Variants in CNTN5 observed in about 807,000 individuals in gnomAD.
CNTN5 encodes the protein contactin 5.
Under a neutral mutation model 129.1 loss-of-function variants are expected in CNTN5, and 77 were observed. The observed-to-expected ratio is 0.60, with a 90% CI of 0.50 to 0.72. The LOEUF is 0.72. Ranked by LOEUF, CNTN5 falls within the 30% of genes least tolerant of loss-of-function variation. The probability of loss-of-function intolerance (pLI) is 0.00; values close to 1 mark genes in which losing one functional copy is unlikely to be tolerated. For synonymous variants in CNTN5, 509 were observed against 465.6 expected (o/e 1.09, Z -1.20); for missense variants, 1,478 against 1,328.8 (o/e 1.11, Z -1.75).
chr11:100,102,344 G>T (rs1010316778), intron 13 of CNTN5, among the ~76,000 whole-genome samples: 2 of 151,682 alleles, frequency 1.3e-5, no homozygotes, highest in African/African-American at 4.8e-5. Flanking sequence ...AAAAATATTT[G>T]TTGGCTGTTT....
chr11:100,161,830 TAC>T (rs71050053), intron 13 of CNTN5, among the ~76,000 whole-genome samples: 4,148 of 125,826 alleles, frequency 0.033, 163 homozygotes, highest in African/African-American at 0.11. Flanking sequence ...TGGAGCTTCC[TAC>T]ACACACACAC....
intron 9 of CNTN5, among the ~76,000 whole-genome samples, chr11:100,038,390 A>G (rs1284307280): frequency 3.9e-5 from 6 of 152,146 alleles, no homozygotes; most frequent in Admixed American, 3.3e-4. Context: ...ACTTCCAACT[A>G]TGTGGTCAAT....
intron 16 of CNTN5, among the ~76,000 whole-genome samples, chr11:100,236,319 T>A (rs1442027438): frequency 6.6e-6 from 1 of 152,108 alleles, no homozygotes; most frequent in Non-Finnish European, 1.5e-5. Context: ...GGGCCTTCCA[T>A]CTGACCGAGG....
rs145325593 is a variant in CNTN5 at position 99,938,416 on chromosome 11, C to T, written c.674-18390C>T. ...CTTATTATATACATAGGTACTAAAA[C>T]GGTTACTATGTAATATTTGAGAGAC... On this transcript the variant is annotated intron_variant, in intron 7 of 24. Transcript: ENST00000524871. 6.9e-4 allele frequency among the ~76,000 whole-genome samples: 105 copies of T among 152,182 alleles called. 1 individual carries two copies. The highest frequency in any genetic ancestry group is 2.2e-3 in the African/African-American group (92 of 41,528).
intron 13 of CNTN5, among the ~76,000 whole-genome samples, chr11:100,108,215 A>G (rs959161106): frequency 6.6e-6 from 1 of 152,076 alleles, no homozygotes; most frequent in Admixed American, 6.6e-5. Flanking sequence ...GCATTGTGTG[A>G]CAAATGTTAT....
chr11:99,269,757 C>T (rs1863087649), intron 1 of CNTN5, among the ~76,000 whole-genome samples: 1 of 149,052 alleles, frequency 6.7e-6, no homozygotes, highest in Admixed American at 6.6e-5. Flanking sequence ...ATATTATAAA[C>T]TTACTTCTAG....
chr11:99,624,520 A>C (rs1305446536), intron 3 of CNTN5, among the ~76,000 whole-genome samples: 2 of 152,132 alleles, frequency 1.3e-5, no homozygotes, highest in Non-Finnish European at 2.9e-5. Context: ...GGGTTTTGAG[A>C]GTGAACATAA....
intron 21 of CNTN5, among the ~76,000 whole-genome samples, chr11:100,313,448 CA>C (rs35425874): frequency 0.64 from 81,851 of 127,830 alleles, 24,475 homozygotes; most frequent in Non-Finnish European, 0.74. Flanking sequence ...GTGCCATTTA[CA>C]AAAAAAAAAA....
intron 2 of CNTN5, among the ~76,000 whole-genome samples, chr11:99,426,843 G>A (rs549087356): frequency 2.3e-4 from 35 of 152,222 alleles, no homozygotes; most frequent in African/African-American, 7.7e-4. Context: ...TTATGATTTA[G>A]AAGGAGTTGG....
At chr11:99,513,449 G>A (rs568464324) in intron 2 of CNTN5, among the ~76,000 whole-genome samples, 1 of 152,240 alleles carries the variant, frequency 6.6e-6, no homozygotes, top group East Asian at 1.9e-4. Flanking sequence ...TCTGTTGGAA[G>A]AAGATGCCGT....
At position 99,819,617 on chromosome 11, in the gene CNTN5, ATC is replaced by A; in HGVS notation, c.135_136del (p.Phe46TrpfsTer47). 2 of 1,613,044 alleles carry A rather than the reference ATC, an allele frequency of 1.2e-6. No homozygotes were observed. The highest frequency in any genetic ancestry group is 1.7e-6 in the Non-Finnish European group (2 of 1,179,826). Reference protein sequence around the residue: ...LLRIKKSSSSSLFGSKTRPRY... With the variant: ...LLRIKKSSSSXLFGSKTRPRY... ...TAAGAATTAAGAAGAGTTCATCTTC[ATC>A]TCTCTTTGGTTCCAAAACCAGACCA... is the stretch of plus-strand genomic sequence containing the variant. On this transcript the variant is annotated frameshift_variant, in exon 4 of 25. Coordinates refer to ENST00000524871, the MANE Select transcript of CNTN5 (RefSeq NM_014361.4). LOFTEE classifies it high-confidence loss of function.
chr11:99,441,476 C>A (rs990045760), intron 2 of CNTN5, among the ~76,000 whole-genome samples: 1 of 152,114 alleles, frequency 6.6e-6, no homozygotes, highest in African/African-American at 2.4e-5. Context: ...ACTGTCTCAG[C>A]CCCTTGCACT....
At chr11:99,965,775 C>T (rs1869394) in intron 8 of CNTN5, among the ~76,000 whole-genome samples, 30,104 of 151,818 alleles carry the variant, frequency 0.2, 3,517 homozygotes, top group African/African-American at 0.32. Flanking sequence ...AAGTCTCCCA[C>T]TATTGTGTGG....
chr11:99,189,222 T>G (rs1231775650), intron 1 of CNTN5, among the ~76,000 whole-genome samples: 3 of 151,694 alleles, frequency 2.0e-5, no homozygotes, highest in Non-Finnish European at 4.4e-5. Flanking sequence ...TGTGTATACA[T>G]AAATATACAT....
intron 15 of CNTN5, among the ~76,000 whole-genome samples, chr11:100,215,443 C>G (rs1017116620): frequency 2.0e-5 from 3 of 151,998 alleles, no homozygotes; most frequent in Non-Finnish European, 1.5e-5. Flanking sequence ...TATCCTAGGC[C>G]GAACAGATTC....
At chr11:99,379,878 G>T (rs1174303428) in intron 2 of CNTN5, among the ~76,000 whole-genome samples, 1 of 151,796 alleles carries the variant, frequency 6.6e-6, no homozygotes, top group South Asian at 2.1e-4. Context: ...ATGTATGTGT[G>T]TGAATACATA....
intron 21 of CNTN5, among the ~76,000 whole-genome samples, chr11:100,337,865 G>A (rs1486324986): frequency 6.6e-6 from 1 of 152,144 alleles, no homozygotes; most frequent in East Asian, 1.9e-4. Flanking sequence ...TTACAAATAA[G>A]CTTGTTTCAT....
At chr11:99,453,172 G>A (rs1051734500) in intron 2 of CNTN5, among the ~76,000 whole-genome samples, 10 of 152,124 alleles carry the variant, frequency 6.6e-5, no homozygotes, top group African/African-American at 2.2e-4. Context: ...ATGAAATTAG[G>A]CCCATGTTTG....
chr11:99,773,475 G>A (rs11822741), intron 3 of CNTN5, among the ~76,000 whole-genome samples: 10,258 of 151,904 alleles, frequency 0.068, 579 homozygotes, highest in African/African-American at 0.15. Context: ...TGGTTTTTAA[G>A]GTCATTTGTA....
Sources: allele counts gnomAD v4.1 joint callset (sites outside exome capture counted in the v4.1 genomes callset), GRCh38; gene constraint gnomAD v4.1.1; transcripts MANE v1.5; gene names NCBI Gene and HGNC (gene_info 2026-07-23, HGNC 2026-07-21).